Variants in GADL1 observed in about 807,000 individuals in gnomAD.
The protein encoded by GADL1 is acidic amino acid decarboxylase GADL1.
GADL1 carries 71 observed loss-of-function variants against 69.5 expected under a neutral mutation model. The observed-to-expected ratio is 1.02, with a 90% confidence interval of 0.84 to 1.25. The LOEUF is 1.25. Ranked by LOEUF, GADL1 falls within the 50% of genes most tolerant of loss-of-function variation. The pLI is 0.00. For missense variants in GADL1, 737 were observed against 631.8 expected (o/e 1.17, Z -1.79); for synonymous variants, 254 against 214.4 (o/e 1.18, Z -1.62).
chr3:30,865,297 A>G (rs1698384465), intron 1 of GADL1, among the ~76,000 whole-genome samples: 1 of 140,612 alleles, frequency 7.1e-6, no homozygotes, highest in Non-Finnish European at 1.5e-5. Flanking sequence ...ATATATATAT[A>G]TATATATATT....
chr3:30,882,130 A>AT (rs57040039), intron 1 of GADL1, among the ~76,000 whole-genome samples: 5 of 151,742 alleles, frequency 3.3e-5, no homozygotes, highest in Admixed American at 6.6e-5. Context: ...TAAAATATTT[A>AT]TTTTTTTTAA....
chr3:30,763,122 C>T (rs1696181972), intron 14 of GADL1, among the ~76,000 whole-genome samples: 2 of 152,110 alleles, frequency 1.3e-5, no homozygotes, highest in Non-Finnish European at 2.9e-5. Flanking sequence ...AGTCATGTGT[C>T]AAGTAGAACT....
intron 1 of GADL1, among the ~76,000 whole-genome samples, chr3:30,872,018 T>TA (rs200738544): frequency 1.5e-3 from 221 of 151,990 alleles, no homozygotes; most frequent in East Asian, 0.014. Flanking sequence ...TATTACTTGA[T>TA]AAGGGGCATG....
At chr3:30,839,217 G>T in intron 8 of GADL1, 104 bp from the exon 9 acceptor site, 3 of 676,152 alleles carry the variant, frequency 4.4e-6, no homozygotes, top group Non-Finnish European at 7.1e-6. Context: ...AGTTATTTGG[G>T]TTTTTTGGAG....
chr3:30,839,884 A>G (rs767785173), intron 8 of GADL1, among the ~76,000 whole-genome samples: 18 of 152,130 alleles, frequency 1.2e-4, no homozygotes, highest in Non-Finnish European at 2.5e-4. Flanking sequence ...AGCTAGTCAC[A>G]TGCTTTGTCC....
chr3:30,844,707 A>G (rs1259912390), intron 6 of GADL1, among the ~76,000 whole-genome samples: 1 of 152,136 alleles, frequency 6.6e-6, no homozygotes, highest in Non-Finnish European at 1.5e-5. Flanking sequence ...TGAACAAATA[A>G]TATACACTCT....
At chr3:30,874,135 A>AG (rs1553603875) in intron 1 of GADL1, among the ~76,000 whole-genome samples, 6 of 151,914 alleles carry the variant, frequency 3.9e-5, no homozygotes, top group Admixed American at 3.9e-4. Flanking sequence ...TTCTTAGTGA[A>AG]GTAGGTAGTG....
At chr3:30,864,174 G>C (rs1698362373) in intron 1 of GADL1, among the ~76,000 whole-genome samples, 1 of 151,998 alleles carries the variant, frequency 6.6e-6, no homozygotes, top group Admixed American at 6.6e-5. Flanking sequence ...AATAGAGTAA[G>C]AAAGAGAGCA....
chr3:30,871,653 T>A (rs763877218), intron 1 of GADL1, among the ~76,000 whole-genome samples: 1 of 151,796 alleles, frequency 6.6e-6, no homozygotes, highest in Non-Finnish European at 1.5e-5. Context: ...CATGTTCCCG[T>A]CACCCAGAGT....
intron 14 of GADL1, among the ~76,000 whole-genome samples, chr3:30,750,119 G>C (rs914147695): frequency 6.6e-6 from 1 of 152,126 alleles, no homozygotes; most frequent in African/African-American, 2.4e-5. Context: ...AAGTAAATTA[G>C]AAAATACTGC....
At chr3:30,867,423 C>CACATATATAT (rs1698419000) in intron 1 of GADL1, among the ~76,000 whole-genome samples, 1 of 115,056 alleles carries the variant, frequency 8.7e-6, no homozygotes, top group African/African-American at 2.8e-5. Context: ...TACAATACTA[C>CACATATATAT]ATATATATAT....
At chr3:30,823,508 C>T (rs1353673593) in intron 11 of GADL1, among the ~76,000 whole-genome samples, 1 of 151,946 alleles carries the variant, frequency 6.6e-6, no homozygotes, top group Non-Finnish European at 1.5e-5. Flanking sequence ...CTAATTCCCT[C>T]AGATACACAT....
At chr3:30,778,298 A>G in intron 13 of GADL1, 30 bp from the exon 14 acceptor site, 3 of 1,361,252 alleles carry the variant, frequency 2.2e-6, no homozygotes, top group Non-Finnish European at 1.0e-6. Context: ...TAAAGTTGTT[A>G]TCTTAAGATT....
At chr3:30,893,681 T>G (rs527544118) in intron 1 of GADL1, among the ~76,000 whole-genome samples, 1 of 152,274 alleles carries the variant, frequency 6.6e-6, no homozygotes, top group South Asian at 2.1e-4. Context: ...AAACTCTCCC[T>G]GGGACATTAA....
intron 14 of GADL1, among the ~76,000 whole-genome samples, chr3:30,756,159 G>A (rs1454832606): frequency 6.6e-6 from 1 of 152,172 alleles, no homozygotes. Context: ...GCTATGTCAA[G>A]CATTCATTTT....
chr3:30,845,505 T>C (rs1698038778), intron 6 of GADL1, among the ~76,000 whole-genome samples: 1 of 152,178 alleles, frequency 6.6e-6, no homozygotes, highest in Non-Finnish European at 1.5e-5. Context: ...AATGTGGTAA[T>C]TTTTTTCCTT....
intron 14 of GADL1, among the ~76,000 whole-genome samples, chr3:30,755,014 A>G (rs1695934670): frequency 6.6e-6 from 1 of 152,182 alleles, no homozygotes; most frequent in South Asian, 2.1e-4. Flanking sequence ...ATCTCTGAAA[A>G]GATTTCTGGT....
intron 12 of GADL1, among the ~76,000 whole-genome samples, chr3:30,797,502 A>G (rs934105765): frequency 6.6e-6 from 1 of 152,140 alleles, no homozygotes; most frequent in African/African-American, 2.4e-5. Context: ...CTTTACAGTA[A>G]CTGTTTGAGA....
intron 1 of GADL1, among the ~76,000 whole-genome samples, chr3:30,889,132 A>G (rs1177368883): frequency 1.2e-4 from 17 of 146,612 alleles, no homozygotes. Flanking sequence ...TAATGGACTC[A>G]CAGTTCCACA....
Sources: allele counts gnomAD v4.1 joint callset (sites outside exome capture counted in the v4.1 genomes callset), GRCh38; gene constraint gnomAD v4.1.1; transcripts MANE v1.5; gene names NCBI Gene and HGNC (gene_info 2026-07-23, HGNC 2026-07-21).